Variants in PPFIBP2 observed in about 807,000 individuals in gnomAD.
PPFIBP2 encodes the protein liprin-beta-2.
A neutral mutation model predicts 118.3 loss-of-function variants in PPFIBP2; 118 were observed. The ratio of observed to expected loss-of-function variants is 1.00; its 90% CI spans 0.86 to 1.16. The LOEUF (loss-of-function observed/expected upper bound fraction) is 1.16, where lower values mean the gene tolerates loss of function less well. PPFIBP2 is among the 50% of genes most tolerant of loss of function. The pLI, the probability that PPFIBP2 is intolerant of heterozygous loss-of-function variation, is 0.00. For missense variants in PPFIBP2, 1,195 were observed against 1,073.1 expected (o/e 1.11, Z -1.59); for synonymous variants, 414 against 397.4 (o/e 1.04, Z -0.50).
At position 7,577,536 on chromosome 11, in the gene PPFIBP2, C is replaced by T. The variant is rs1856609408; in HGVS notation, c.279+11769C>T. Reference sequence around the variant, plus strand: ...GGAAGAGGAGAGAACTGGTCTCCAGCCAGGAAAAGGGCTTTTTCCACCAAG... The same window carrying T: ...GGAAGAGGAGAGAACTGGTCTCCAGTCAGGAAAAGGGCTTTTTCCACCAAG... On this transcript the variant is annotated intron_variant, in intron 3 of 23. Transcript: ENST00000299492. 1.1e-5 allele frequency: 5 copies of T among 456,308 alleles called. No individual in the cohort carries two copies. In the Admixed American group the frequency reaches 1.2e-4, roughly 11 times the overall value. The allele number at this position is 456,308 out of a possible 1,614,324, so 28.3% of individuals were successfully genotyped here.
chr11:7,662,927 C>T, the PPFIBP2 span, among the ~76,000 whole-genome samples: 268 of 136,976 alleles, frequency 2.0e-3, 7 homozygotes, highest in African/African-American at 6.3e-3. Flanking sequence ...CCCTTTCTTC[C>T]AGTTGATCGC....
chr11:7,527,193 G>A (rs984603993), intron 1 of PPFIBP2, among the ~76,000 whole-genome samples: 3 of 152,078 alleles, frequency 2.0e-5, no homozygotes, highest in Admixed American at 2.0e-4. Context: ...GGCAAGGAAG[G>A]GATGTGGGTA....
chr11:7,649,054 G>T (rs976315037), intron 19 of PPFIBP2, 93 bp from the exon 20 acceptor site: 2 of 1,408,932 alleles, frequency 1.4e-6, no homozygotes, highest in African/African-American at 1.4e-5. Flanking sequence ...GGAATAAAAC[G>T]AACCTCAAAA....
chr11:7,569,854 C>T (rs554616512), intron 3 of PPFIBP2, among the ~76,000 whole-genome samples: 2 of 152,276 alleles, frequency 1.3e-5, no homozygotes, highest in African/African-American at 4.8e-5. Context: ...CAGCCTCCTC[C>T]TTCTCTGTTT....
chr11:7,580,362 C>A (rs953916845), intron 3 of PPFIBP2, among the ~76,000 whole-genome samples: 6 of 152,202 alleles, frequency 3.9e-5, no homozygotes, highest in African/African-American at 1.4e-4. Context: ...GCTGGTTTCT[C>A]TGAACTCATG....
intron 6 of PPFIBP2, among the ~76,000 whole-genome samples, chr11:7,618,307 G>C (rs1282374928): frequency 2.6e-5 from 4 of 152,174 alleles, no homozygotes; most frequent in Non-Finnish European, 4.4e-5. Context: ...ACTTTTAAAG[G>C]AAGGAAAAAC....
At chr11:7,558,805 T>C (rs1853960530) in intron 2 of PPFIBP2, among the ~76,000 whole-genome samples, 1 of 152,096 alleles carries the variant, frequency 6.6e-6, no homozygotes, top group Non-Finnish European at 1.5e-5. Context: ...CTATAACACT[T>C]GCATTGTATG....
At chr11:7,646,039 C>A (rs993139348) in intron 17 of PPFIBP2, among the ~76,000 whole-genome samples, 1 of 151,978 alleles carries the variant, frequency 6.6e-6, no homozygotes, top group Non-Finnish European at 1.5e-5. Flanking sequence ...CAGATCACAC[C>A]AAAAGCAGTA....
chr11:7,660,685 T>C (rs534445583), downstream of PPFIBP2, among the ~76,000 whole-genome samples: 628 of 151,436 alleles, frequency 4.1e-3, 2 homozygotes, highest in African/African-American at 0.014. Flanking sequence ...GAGGATTCCC[T>C]CTTTTTCTAT....
Position 7,579,459 on chromosome 11 carries a change from A to G in PPFIBP2, c.280-13673A>G, listed in dbSNP as rs145078226. 4.1e-4 allele frequency among the ~76,000 whole-genome samples: 62 copies of G among 152,052 alleles called. No individual in the cohort carries two copies. In the East Asian group the frequency reaches 0.011, roughly 28 times the overall value. ...ATCTTAGGTTTTTTTTTTAAGCCCC[A>G]CTGGGGAGATACTGAAAGGAAATAT... On this transcript the variant is annotated intron_variant, in intron 3 of 23. Coordinates refer to ENST00000299492, the MANE Select transcript of PPFIBP2 (RefSeq NM_003621.5).
At chr11:7,663,432 TG>T in the PPFIBP2 span, among the ~76,000 whole-genome samples, 1 of 152,012 alleles carries the variant, frequency 6.6e-6, no homozygotes, top group Non-Finnish European at 1.5e-5. Context: ...GTGCCCCTGC[TG>T]GGGGGTGCCT....
intron 2 of PPFIBP2, among the ~76,000 whole-genome samples, chr11:7,556,712 A>T (rs778898694): frequency 1.3e-5 from 2 of 152,188 alleles, no homozygotes. Flanking sequence ...TCATTTGAAA[A>T]ATGTCCTTAA....
chr11:7,572,765 T>G (rs569062917), intron 3 of PPFIBP2, among the ~76,000 whole-genome samples: 1 of 151,516 alleles, frequency 6.6e-6, no homozygotes, highest in South Asian at 2.1e-4. Flanking sequence ...TTTCGAAGAA[T>G]GTTTTGTTTG....
At chr11:7,662,905 C>T in the PPFIBP2 span, among the ~76,000 whole-genome samples, 1 of 139,050 alleles carries the variant, frequency 7.2e-6, no homozygotes, top group Non-Finnish European at 1.6e-5. Context: ...ATTTCATCTT[C>T]CATCACTGAT....
At chr11:7,590,946 T>A (rs997556152) in intron 3 of PPFIBP2, among the ~76,000 whole-genome samples, 1 of 152,228 alleles carries the variant, frequency 6.6e-6, no homozygotes, top group Non-Finnish European at 1.5e-5. Flanking sequence ...GCAATTGATT[T>A]GATTTTACCA....
chr11:7,577,782 G>T, intron 3 of PPFIBP2: 1 of 404,612 alleles, frequency 2.5e-6, no homozygotes, highest in Non-Finnish European at 5.0e-6. Flanking sequence ...TTCTTCATGA[G>T]AATCTAATTA....
At chr11:7,546,715 C>G (rs1852364749) in intron 1 of PPFIBP2, among the ~76,000 whole-genome samples, 1 of 152,218 alleles carries the variant, frequency 6.6e-6, no homozygotes, top group South Asian at 2.1e-4. Flanking sequence ...TGGCCTTTGC[C>G]AACTACATCC....
the PPFIBP2 span, among the ~76,000 whole-genome samples, chr11:7,664,710 G>A: frequency 6.6e-6 from 1 of 152,128 alleles, no homozygotes; most frequent in Non-Finnish European, 1.5e-5. Flanking sequence ...GTGTGTCCTG[G>A]AGAGATGGGG....
intron 2 of PPFIBP2, among the ~76,000 whole-genome samples, chr11:7,560,576 G>A (rs10839809): frequency 0.26 from 39,418 of 151,966 alleles, 5,353 homozygotes; most frequent in African/African-American, 0.32. Flanking sequence ...CCTACTTTTT[G>A]AAAATTAAGA....
Sources: allele counts gnomAD v4.1 joint callset (sites outside exome capture counted in the v4.1 genomes callset), GRCh38; gene constraint gnomAD v4.1.1; transcripts MANE v1.5; gene names NCBI Gene and HGNC (gene_info 2026-07-23, HGNC 2026-07-21).